Variants in GRIK2 observed in about 807,000 individuals in gnomAD.
GRIK2 encodes the protein glutamate receptor ionotropic, kainate 2.
Under a neutral mutation model 100.3 loss-of-function variants are expected in GRIK2, and 32 were observed. That is an observed-to-expected ratio of 0.32 (90% CI 0.24 to 0.43). The LOEUF (loss-of-function observed/expected upper bound fraction) is 0.43, where lower values mean the gene tolerates loss of function less well. Among genes scored for constraint, GRIK2 ranks in the 20% least tolerant of loss-of-function variants. The pLI is 1.00. For synonymous variants in GRIK2, 417 were observed against 389.4 expected, an observed-to-expected ratio of 1.07 and a Z score of -0.83; for missense variants, 843 against 1,114.9, an observed-to-expected ratio of 0.76 and a Z score of 3.47.
intron 4 of GRIK2, among the ~76,000 whole-genome samples, chr6:101,631,166 T>G (rs1582859340): frequency 6.6e-6 from 1 of 152,140 alleles, no homozygotes; most frequent in Non-Finnish European, 1.5e-5. Context: ...CCAAAAATGA[T>G]GGAAAAGAAT....
intron 12 of GRIK2, among the ~76,000 whole-genome samples, chr6:101,898,038 C>T (rs551569459): frequency 1.9e-4 from 29 of 151,830 alleles, no homozygotes; most frequent in African/African-American, 7.0e-4. Context: ...TGCATGTCAA[C>T]AGTAGCCAGA....
chr6:101,954,918 A>G (rs1791820579), intron 14 of GRIK2, among the ~76,000 whole-genome samples: 1 of 152,136 alleles, frequency 6.6e-6, no homozygotes, highest in African/African-American at 2.4e-5. Context: ...CTCCAGAGGT[A>G]CTGAATTTGT....
In GRIK2 at chr6:101,956,815, T is replaced by C. The variant is rs145159988; in HGVS notation, c.2085+28183T>C. On this transcript the variant is annotated intron_variant, in intron 14 of 16. Coordinates refer to ENST00000369134, the MANE Select transcript of GRIK2 (RefSeq NM_021956.5). Reference sequence around the variant, plus strand: ...TTCTTATATATATCAATAAAAATTATACATATCTATAAGAATTTTATATAT... The same window carrying C: ...TTCTTATATATATCAATAAAAATTACACATATCTATAAGAATTTTATATAT... Among the ~76,000 whole-genome samples the C allele has an allele frequency of 1.9e-3, 287 of 147,418 alleles. 1 individual carries two copies. Among genetic ancestry groups the C allele is most frequent in the Middle Eastern group, 3.6e-3 (1 of 278 alleles).
At chr6:101,877,349 G>A (rs1415906860) in intron 11 of GRIK2, among the ~76,000 whole-genome samples, 2 of 151,730 alleles carry the variant, frequency 1.3e-5, no homozygotes, top group African/African-American at 4.8e-5. Flanking sequence ...ACTATTTTTT[G>A]CTTTTCATTC....
intron 14 of GRIK2, among the ~76,000 whole-genome samples, chr6:101,947,176 C>G (rs1791332475): frequency 6.6e-6 from 1 of 152,234 alleles, no homozygotes; most frequent in South Asian, 2.1e-4. Flanking sequence ...ATGAAATTGT[C>G]TTGATCACTT....
In GRIK2 at chr6:101,470,383, G is replaced by A. The variant is rs114692627; in HGVS notation, c.115+70991G>A. On this transcript the variant is annotated intron_variant, in intron 2 of 16. Coordinates refer to ENST00000369134, the MANE Select transcript of GRIK2 (RefSeq NM_021956.5). ...GTGAGAGGGCAAGCTTCTTTATTGT[G>A]GCCTCTGTTGCTTCAGTATGACATC... Among the ~76,000 whole-genome samples the A allele has an allele frequency of 3.3e-3, 496 of 152,156 alleles. 1 individual carries two copies. The highest frequency in any genetic ancestry group is 0.017 in the Middle Eastern group (5 of 294).
chr6:101,831,393 A>G (rs973442462), intron 10 of GRIK2, among the ~76,000 whole-genome samples: 1 of 151,934 alleles, frequency 6.6e-6, no homozygotes, highest in African/African-American at 2.4e-5. Flanking sequence ...TCTTCCTGGT[A>G]TTCTCACTTC....
At chr6:101,756,267 G>A (rs1373169307) in intron 7 of GRIK2, among the ~76,000 whole-genome samples, 1 of 149,428 alleles carries the variant, frequency 6.7e-6, no homozygotes, top group East Asian at 2.0e-4. Context: ...AAGAACAAAA[G>A]GGAGTAATAA....
intron 2 of GRIK2, among the ~76,000 whole-genome samples, chr6:101,412,423 G>A (rs1440634860): frequency 6.6e-6 from 1 of 151,960 alleles, no homozygotes. Flanking sequence ...CTGTATAGGA[G>A]ACACTTTACT....
chr6:101,900,906 G>GTT (rs532866711), intron 12 of GRIK2, among the ~76,000 whole-genome samples: 13,935 of 143,530 alleles, frequency 0.097, 792 homozygotes, highest in Middle Eastern at 0.22. Flanking sequence ...GAGTGTCCTT[G>GTT]TTTTTTTTTT....
intron 2 of GRIK2, among the ~76,000 whole-genome samples, chr6:101,553,909 C>A (rs1301605343): frequency 6.6e-6 from 1 of 152,182 alleles, no homozygotes; most frequent in Non-Finnish European, 1.5e-5. Context: ...TACTTGCCTG[C>A]CCATACCGCC....
At chr6:101,605,591 C>T (rs1197765702) in intron 2 of GRIK2, among the ~76,000 whole-genome samples, 1 of 151,966 alleles carries the variant, frequency 6.6e-6, no homozygotes, top group South Asian at 2.1e-4. Flanking sequence ...AAATCTTTAA[C>T]TACCCTGGAC....
chr6:101,807,630 G>A (rs1781086252), intron 9 of GRIK2, among the ~76,000 whole-genome samples: 1 of 151,862 alleles, frequency 6.6e-6, no homozygotes, highest in Non-Finnish European at 1.5e-5. Context: ...GAGGAAACTG[G>A]AGTTGGTCTA....
At chr6:101,656,655 A>G (rs1769206844) in intron 4 of GRIK2, among the ~76,000 whole-genome samples, 1 of 152,208 alleles carries the variant, frequency 6.6e-6, no homozygotes, top group South Asian at 2.1e-4. Flanking sequence ...ATGAATATCT[A>G]TGAAAAGTTG....
rs1562364471 is a variant in GRIK2, at chr6:101,760,613, T to TA, written c.952-39035_952-39034insA. On this transcript the variant is annotated intron_variant, in intron 7 of 16. Transcript: ENST00000369134. The stretch of plus-strand genomic sequence containing the variant: ...TTATATATAATTATATATAATTATA[T>TA]TTAATTATATGTTTAATTATATATA... Among the ~76,000 whole-genome samples the TA allele has an allele frequency of 7.5e-5, 7 of 93,468 alleles. 1 individual carries two copies. Among genetic ancestry groups the TA allele is most frequent in the African/African-American group, 2.1e-4 (5 of 24,072 alleles). The allele number at this position is 93,468 out of a possible 152,430, so 61.3% of individuals were successfully genotyped here.
chr6:101,606,645 TA>T (rs1779449391), intron 2 of GRIK2, among the ~76,000 whole-genome samples: 1 of 152,036 alleles, frequency 6.6e-6, no homozygotes. Flanking sequence ...TTATCATAAG[TA>T]AGATGACTTT....
Position 101,795,838 on chromosome 6 carries a change from C to A in GRIK2, c.952-3810C>A, listed in dbSNP as rs530727750. ...CCCCTGATGGGTGCATGGGAATAGG[C>A]TGTGGTGAATAGGACAGGGCAATCT... On this transcript the variant is annotated intron_variant, in intron 7 of 16. Coordinates refer to ENST00000369134, the MANE Select transcript of GRIK2 (RefSeq NM_021956.5). 1.7e-4 allele frequency among the ~76,000 whole-genome samples: 26 copies of A among 152,288 alleles called. No homozygotes were observed. In the South Asian group the frequency reaches 5.2e-3, roughly 30 times the overall value.
intron 2 of GRIK2, among the ~76,000 whole-genome samples, chr6:101,585,822 A>G (rs1361534283): frequency 2.0e-5 from 3 of 152,146 alleles, no homozygotes; most frequent in African/African-American, 7.2e-5. Flanking sequence ...AGTGAAGACA[A>G]AAGTAAAATA....
chr6:101,964,283 T>G (rs1236665300), intron 14 of GRIK2, among the ~76,000 whole-genome samples: 1 of 151,876 alleles, frequency 6.6e-6, no homozygotes, highest in East Asian at 1.9e-4. Context: ...TTGTGTATGA[T>G]ATAACATATA....
Sources: allele counts gnomAD v4.1 joint callset (sites outside exome capture counted in the v4.1 genomes callset), GRCh38; gene constraint gnomAD v4.1.1; transcripts MANE v1.5; gene names NCBI Gene and HGNC (gene_info 2026-07-23, HGNC 2026-07-21).